FAF1: variants seen among roughly 807,000 people sequenced by gnomAD.
FAF1 encodes the protein FAS-associated factor 1.
Under a neutral mutation model 92.5 loss-of-function variants are expected in FAF1, and 25 were observed. The observed-to-expected ratio is 0.27, with a 90% CI of 0.20 to 0.38. The LOEUF (loss-of-function observed/expected upper bound fraction) is 0.38. FAF1 is among the 10% of genes least tolerant of loss of function. The probability of loss-of-function intolerance (pLI) is 1.00; values close to 1 mark genes in which losing one functional copy is unlikely to be tolerated. For synonymous variants in FAF1, 234 were observed against 273.2 expected (o/e 0.86, Z 1.42); for missense variants, 636 against 793.3 (o/e 0.80, Z 2.38).
chr1:50,722,893 C>T (rs1456239266), intron 6 of FAF1, among the ~76,000 whole-genome samples: 1 of 152,132 alleles, frequency 6.6e-6, no homozygotes, highest in African/African-American at 2.4e-5. Context: ...AGTACCTCTC[C>T]TAGTCAAAAA....
intron 1 of FAF1, among the ~76,000 whole-genome samples, chr1:50,891,517 T>C (rs776506947): frequency 1.1e-4 from 16 of 152,220 alleles, no homozygotes; most frequent in Non-Finnish European, 2.4e-4. Context: ...TCTTTGATGA[T>C]AGTGACATAC....
chr1:50,912,521 GAT>G (rs961941116), intron 1 of FAF1, among the ~76,000 whole-genome samples: 5 of 152,166 alleles, frequency 3.3e-5, no homozygotes, highest in African/African-American at 1.2e-4. Context: ...TTGTTAAAAA[GAT>G]GATTGAATTA....
At chr1:50,459,989 A>G (rs1220260363) in intron 18 of FAF1, among the ~76,000 whole-genome samples, 1 of 152,238 alleles carries the variant, frequency 6.6e-6, no homozygotes, top group Non-Finnish European at 1.5e-5. Flanking sequence ...GTATAGTAGT[A>G]AAGAATTCTG....
chr1:50,882,879 G>A (rs912567798), intron 1 of FAF1, among the ~76,000 whole-genome samples: 2 of 151,580 alleles, frequency 1.3e-5, no homozygotes, highest in Admixed American at 6.6e-5. Context: ...CCAGACACTC[G>A]GGAGGCTGAG....
At chr1:50,876,606 G>A (rs1365494449) in intron 1 of FAF1, among the ~76,000 whole-genome samples, 2 of 152,120 alleles carry the variant, frequency 1.3e-5, no homozygotes, top group African/African-American at 4.8e-5. Flanking sequence ...TTTGTTTTGA[G>A]ATGGAGTCTC....
At chr1:50,917,623 A>AG (rs1644927860) in intron 1 of FAF1, among the ~76,000 whole-genome samples, 3 of 114,382 alleles carry the variant, frequency 2.6e-5, no homozygotes, top group African/African-American at 3.1e-5. Context: ...AAGGGAAAGG[A>AG]AAAAGGAAAG....
chr1:50,502,740 G>A (rs1647007748), intron 15 of FAF1, among the ~76,000 whole-genome samples: 1 of 152,088 alleles, frequency 6.6e-6, no homozygotes, highest in Non-Finnish European at 1.5e-5. Flanking sequence ...GCTTTCTTAG[G>A]TGTATGTGTG....
intron 15 of FAF1, among the ~76,000 whole-genome samples, chr1:50,507,609 C>T (rs1456182305): frequency 6.6e-6 from 1 of 152,076 alleles, no homozygotes; most frequent in Non-Finnish European, 1.5e-5. Context: ...CCTAGCTACT[C>T]AGGAAGCTGA....
intron 8 of FAF1, among the ~76,000 whole-genome samples, chr1:50,647,356 T>C (rs1041685160): frequency 6.6e-6 from 1 of 152,226 alleles, no homozygotes; most frequent in African/African-American, 2.4e-5. Context: ...CTGTAACCAA[T>C]ACAGCTGTTT....
chr1:50,678,978 T>G (rs1378320170), intron 7 of FAF1, among the ~76,000 whole-genome samples: 1 of 151,446 alleles, frequency 6.6e-6, no homozygotes, highest in Non-Finnish European at 1.5e-5. Flanking sequence ...TCCCAGCTAC[T>G]CGGGAGGCTG....
intron 7 of FAF1, among the ~76,000 whole-genome samples, chr1:50,665,395 T>C (rs1655573038): frequency 6.6e-6 from 1 of 152,246 alleles, no homozygotes; most frequent in South Asian, 2.1e-4. Flanking sequence ...ACAAGGATAT[T>C]CATTGCAGCC....
At chr1:50,615,372 G>T (rs753853509) in intron 8 of FAF1, among the ~76,000 whole-genome samples, 1 of 152,028 alleles carries the variant, frequency 6.6e-6, no homozygotes, top group African/African-American at 2.4e-5. Context: ...TATTTGCTGG[G>T]GAGGGGCTGT....
rs943023322 is a variant in FAF1 at position 50,503,120 on chromosome 1, T to C, written c.1495-11319A>G. 5.3e-5 allele frequency among the ~76,000 whole-genome samples: 8 copies of C among 152,296 alleles called. No homozygotes were observed. The East Asian group carries it at 1.5e-3, about 29-fold the overall frequency. On this transcript the variant is annotated intron_variant, in intron 15 of 18. Coordinates refer to ENST00000396153, the MANE Select transcript of FAF1 (RefSeq NM_007051.3). The stretch of plus-strand genomic sequence containing the variant: ...TCCTGAGTAGCTGGGATTACAGGTA[T>C]GAGCCACTGCACCTTGCTCTTATTT...
chr1:50,958,689 A>T (rs879295414), intron 1 of FAF1, among the ~76,000 whole-genome samples: 7 of 151,880 alleles, frequency 4.6e-5, no homozygotes, highest in South Asian at 4.1e-4. Context: ...AAAAAAAAAA[A>T]AAATTAATTA....
At chr1:50,725,139 G>A (rs960064356) in intron 6 of FAF1, among the ~76,000 whole-genome samples, 1 of 152,130 alleles carries the variant, frequency 6.6e-6, no homozygotes, top group Admixed American at 6.6e-5. Flanking sequence ...TTCCAATTTG[G>A]CTACTGATTT....
At chr1:50,735,987 G>A (rs1404774831) in intron 6 of FAF1, among the ~76,000 whole-genome samples, 1 of 152,012 alleles carries the variant, frequency 6.6e-6, no homozygotes, top group African/African-American at 2.4e-5. Context: ...CCAAAGTGCT[G>A]GTGTTATAGG....
intron 7 of FAF1, among the ~76,000 whole-genome samples, chr1:50,675,077 G>A (rs1656061128): frequency 6.6e-6 from 1 of 152,090 alleles, no homozygotes; most frequent in Non-Finnish European, 1.5e-5. Context: ...TTTTAGTAGA[G>A]ACAGGGTTTC....
At chr1:50,679,095 C>A (rs1656307787) in intron 7 of FAF1, among the ~76,000 whole-genome samples, 1 of 152,030 alleles carries the variant, frequency 6.6e-6, no homozygotes, top group East Asian at 1.9e-4. Context: ...TCAAAAAAAA[C>A]ACCAAAAACA....
Position 50,534,515 on chromosome 1 carries a change from C to G in FAF1, c.1494+854G>C, listed in dbSNP as rs2149037252. ...CCAAGCTAGTCTTGAACTCAGTGAT[C>G]GACCTACCTCAGCCTCCCAAAGTGC... On this transcript the variant is annotated intron_variant, in intron 15 of 18. Coordinates refer to ENST00000396153, the MANE Select transcript of FAF1 (RefSeq NM_007051.3). Among the ~76,000 whole-genome samples the G allele has an allele frequency of 2.6e-5, 4 of 152,114 alleles. 1 individual carries two copies. The highest frequency in any genetic ancestry group is 6.8e-3 in the Middle Eastern group (2 of 294).
Sources: gnomAD v4.1 joint callset for allele counts (sites outside exome capture counted in the v4.1 genomes callset) on GRCh38, gnomAD v4.1.1 for gene constraint, MANE v1.5 for transcripts, NCBI Gene and HGNC (gene_info 2026-07-23, HGNC 2026-07-21) for gene names.